DCHS2: variants seen among roughly 807,000 people sequenced by gnomAD.
DCHS2 encodes dachsous cadherin-related 2, also known as protocadherin-23.
In DCHS2, 142 loss-of-function variants were observed where a neutral mutation model predicts 182.4. That is an observed-to-expected ratio of 0.78 (90% confidence interval 0.68 to 0.89). DCHS2 has a LOEUF of 0.89. DCHS2 is among the 40% of genes least tolerant of loss of function. The pLI, the probability that DCHS2 is intolerant of heterozygous loss-of-function variation, is 0.00. For synonymous variants in DCHS2, 1,740 were observed against 1,663.3 expected, an observed-to-expected ratio of 1.05 and a Z score of -1.12; for missense variants, 4,319 against 4,198.6, an observed-to-expected ratio of 1.03 and a Z score of -0.79.
chr4:154,368,421 C>T (rs1356588827), intron 2 of DCHS2, among the ~76,000 whole-genome samples: 2 of 152,046 alleles, frequency 1.3e-5, no homozygotes, highest in Non-Finnish European at 2.9e-5. Context: ...ATGAATATTG[C>T]CCCAGCTTAA....
intron 14 of DCHS2, among the ~76,000 whole-genome samples, chr4:154,266,440 A>T (rs1733266547): frequency 6.6e-6 from 1 of 152,118 alleles, no homozygotes; most frequent in Admixed American, 6.6e-5. Context: ...GTGGATCACG[A>T]GGACAGGAGA....
intron 3 of DCHS2, among the ~76,000 whole-genome samples, chr4:154,361,729 C>T (rs981965205): frequency 2.0e-5 from 3 of 151,982 alleles, no homozygotes; most frequent in Admixed American, 6.6e-5. Context: ...CAAGAGAAAA[C>T]AACCATGACA....
At chr4:154,287,012 T>TTTCAGTGGAAA (rs1160856637) in intron 13 of DCHS2, among the ~76,000 whole-genome samples, 1 of 152,152 alleles carries the variant, frequency 6.6e-6, no homozygotes, top group East Asian at 1.9e-4. Flanking sequence ...GAAGTAGACT[T>TTTCAGTGGAAA]TTCAGTGGAA....
chr4:154,490,478 G>A lies in DCHS2; in HGVS notation c.878C>T (p.Pro293Leu), dbSNP rs1447900588. Residue 293 changes from proline (P) to leucine (L), a missense_variant, in exon 1 of 20, where the codon CCG becomes CTG. Coordinates refer to ENST00000357232, the MANE Select transcript of DCHS2 (RefSeq NM_001358235.2). ...ELRVLDENDN[P>L]PVFEQDEYRA... ...GTACTCGTCCTGCTCAAAGACCGGC[G>A]GGTTGTCGTTCTCATCCAGCACGCG... 2 of 1,536,690 alleles carry A rather than the reference G, an allele frequency of 1.3e-6. No individual in the cohort carries two copies. Among genetic ancestry groups the A allele is most frequent in the Middle Eastern group, 1.7e-4 (1 of 6,004 alleles).
At chr4:154,331,654 GT>G in intron 5 of DCHS2, 1 of 1,614,000 alleles carries the variant, frequency 6.2e-7, no homozygotes, top group South Asian at 1.1e-5. Flanking sequence ...TGCAAAGTCT[GT>G]CCCACTAAAG....
intron 2 of DCHS2, among the ~76,000 whole-genome samples, chr4:154,372,286 A>G (rs1579018340): frequency 6.6e-6 from 1 of 152,202 alleles, no homozygotes; most frequent in Admixed American, 6.5e-5. Flanking sequence ...AACATTTGTT[A>G]GAAAGTTAAA....
rs1363777644 is a variant in DCHS2, at chr4:154,298,419, A to T, written c.5895T>A (p.Asn1965Lys). Residue 1965 changes from asparagine (N) to lysine (K), a missense_variant, in exon 13 of 20, where the codon AAT becomes AAA. Asn to Lys is a moderately conservative substitution (Grantham distance 94, BLOSUM62 0). Transcript: ENST00000357232. ...LSAVDKDEGLNGQTEYFLTDE... is the reference protein window; with the variant it reads ...LSAVDKDEGLKGQTEYFLTDE... ...CAGTCAGAAAATACTCAGTTTGCCCATTCAGGCCTTCATCCTTGTCCACAG... is the reference window on the plus strand; with the variant it reads ...CAGTCAGAAAATACTCAGTTTGCCCTTTCAGGCCTTCATCCTTGTCCACAG... 1.2e-6 allele frequency: 2 copies of T among 1,614,168 alleles called. No individual in the cohort carries two copies. Among genetic ancestry groups the T allele is most frequent in the Middle Eastern group, 1.6e-4 (1 of 6,062 alleles).
At chr4:154,450,125 G>T (rs969535864) in intron 1 of DCHS2, among the ~76,000 whole-genome samples, 9 of 152,224 alleles carry the variant, frequency 5.9e-5, no homozygotes, top group African/African-American at 2.2e-4. Context: ...TTACCCTGGG[G>T]AAACAGCACA....
chr4:154,364,193 G>A (rs1477662939), intron 3 of DCHS2, among the ~76,000 whole-genome samples: 1 of 152,176 alleles, frequency 6.6e-6, no homozygotes, highest in Non-Finnish European at 1.5e-5. Context: ...ATTAACAATG[G>A]CATTTGTGCT....
intron 1 of DCHS2, chr4:154,391,402 C>T (rs769774511): frequency 5.7e-6 from 8 of 1,414,416 alleles, no homozygotes; most frequent in South Asian, 4.6e-5. Flanking sequence ...CCATGACTTT[C>T]CACTTGCAGC....
intron 2 of DCHS2, among the ~76,000 whole-genome samples, chr4:154,370,806 T>C (rs969887289): frequency 6.6e-6 from 1 of 152,146 alleles, no homozygotes; most frequent in East Asian, 1.9e-4. Context: ...AAATGCAGCG[T>C]CAGATTTACG....
Position 154,490,654 on chromosome 4 carries a change from C to T in DCHS2, c.702G>A (p.Pro234=), listed in dbSNP as rs1470815680. The change falls in exon 1 of 20, where the codon CCG becomes CCA. Residue 234 remains proline, a synonymous_variant. Coordinates refer to ENST00000357232, the MANE Select transcript of DCHS2 (RefSeq NM_001358235.2). ...RYRTPGPLPS[P]LLPGSSSPLE... The stretch of plus-strand genomic sequence containing the variant: ...GGGGTGACGAGGAGCCTGGCAAAAG[C>T]GGTGACGGTAGTGGCCCCGGAGTCC... The T allele has an allele frequency of 6.4e-6, 10 of 1,551,380 alleles. No individual in the cohort carries two copies. The highest frequency in any genetic ancestry group is 8.7e-6 in the Non-Finnish European group (10 of 1,146,918).
chr4:154,485,373 T>C (rs1212019053), intron 1 of DCHS2, among the ~76,000 whole-genome samples: 1 of 152,100 alleles, frequency 6.6e-6, no homozygotes, highest in Non-Finnish European at 1.5e-5. Context: ...GAAAAGCCCA[T>C]TGGATTTGAA....
rs138117835 is a variant in DCHS2 at position 154,239,493 on chromosome 4, A to C, written c.7360-191T>G. On this transcript the variant is annotated intron_variant, in intron 18 of 19. Transcript: ENST00000357232. ...GATTGTGTGAATAGTCCCTGGATTC[A>C]GAAAAAAAGGTGTTGTTTTGTTTTG... 3.2e-4 allele frequency among the ~76,000 whole-genome samples: 48 copies of C among 152,258 alleles called. No individual in the cohort carries two copies. In the East Asian group the frequency reaches 9.3e-3, roughly 29 times the overall value.
At chr4:154,327,502 T>C (rs1168852650) in intron 7 of DCHS2, among the ~76,000 whole-genome samples, 2 of 152,162 alleles carry the variant, frequency 1.3e-5, no homozygotes, top group African/African-American at 4.8e-5. Flanking sequence ...GTCCTATGTT[T>C]GTGTCAAACA....
At position 154,408,064 on chromosome 4, in the gene DCHS2, C is replaced by A. The variant is rs191184676; in HGVS notation, c.2053-30620G>T. Reference sequence around the variant, plus strand: ...TCTGCTCAAATAGTATCTTTCATCTCTGTACGTATTTGATATGGAATTAAC... The same window carrying A: ...TCTGCTCAAATAGTATCTTTCATCTATGTACGTATTTGATATGGAATTAAC... On this transcript the variant is annotated intron_variant, in intron 1 of 19. Coordinates refer to ENST00000357232, the MANE Select transcript of DCHS2 (RefSeq NM_001358235.2). Among the ~76,000 whole-genome samples the A allele has an allele frequency of 8.5e-5, 13 of 152,112 alleles. No individual in the cohort carries two copies. The East Asian group carries it at 2.5e-3, about 29-fold the overall frequency.
rs143254462 is a variant in DCHS2 at position 154,304,674 on chromosome 4, A to G, written c.5600T>C (p.Ile1867Thr). 2.8e-4 allele frequency: 454 copies of G among 1,594,688 alleles called. 1 individual carries two copies. Among genetic ancestry groups the G allele is most frequent in the Middle Eastern group, 1.4e-3 (8 of 5,762 alleles). Residue 1867 changes from isoleucine (I) to threonine (T), a missense_variant, in exon 12 of 20, where the codon ATA becomes ACA. By Grantham distance (89) the Ile-to-Thr change is moderately conservative (BLOSUM62 -1). Transcript: ENST00000357232. Reference protein sequence around the residue: ...AGNNRAVEYHIIDGNTDECFT... With the variant: ...AGNNRAVEYHTIDGNTDECFT... ...AAACAAACAAACAAACTTACCAATT[A>G]TGTGATATTCAACAGCTCTGTTATT...
At chr4:154,405,316 A>C (rs979605658) in intron 1 of DCHS2, among the ~76,000 whole-genome samples, 6 of 151,826 alleles carry the variant, frequency 4.0e-5, no homozygotes, top group African/African-American at 1.2e-4. Context: ...GTTTTTCAGC[A>C]GTTTGAGGAT....
intron 2 of DCHS2, among the ~76,000 whole-genome samples, chr4:154,375,466 T>C (rs947407072): frequency 6.6e-5 from 10 of 151,990 alleles, no homozygotes; most frequent in African/African-American, 1.9e-4. Context: ...AAAGAACTCA[T>C]GCACATCAGT....
Sources: allele counts gnomAD v4.1 joint callset (sites outside exome capture counted in the v4.1 genomes callset), GRCh38; gene constraint gnomAD v4.1.1; transcripts MANE v1.5; gene names NCBI Gene and HGNC (gene_info 2026-07-23, HGNC 2026-07-21).